PCDHA7: variants seen among roughly 807,000 people sequenced by gnomAD.
PCDHA7 encodes the protein protocadherin alpha-7.
PCDHA7 carries 37 observed loss-of-function variants against 57.2 expected under a neutral mutation model. That is an observed-to-expected ratio of 0.65 (90% CI 0.50 to 0.85). The LOEUF is 0.85. Ranked by LOEUF, PCDHA7 falls within the 40% of genes least tolerant of loss-of-function variation. The pLI is 0.00. For missense variants in PCDHA7, 1,188 were observed against 1,241.8 expected (o/e 0.96, Z 0.65); for synonymous variants, 553 against 558.8 (o/e 0.99, Z 0.15).
rs1316774875 is a variant in PCDHA7 at position 140,883,076 on chromosome 5, G to T, written c.2355+46338G>T. The T allele has an allele frequency of 3.1e-6, 5 of 1,614,032 alleles. No homozygotes were observed. Among genetic ancestry groups the T allele is most frequent in the Middle Eastern group, 1.6e-4 (1 of 6,084 alleles). On this transcript the variant is annotated intron_variant, in intron 1 of 3. Transcript: ENST00000525929. ...GATCAAGCTAAATGCCACAGATCCT[G>T]ATGATGGTACAAATGGAGATATAGT...
At chr5:140,986,213 C>T (rs1554247816) in intron 3 of PCDHA7, among the ~76,000 whole-genome samples, 2 of 152,208 alleles carry the variant, frequency 1.3e-5, no homozygotes, top group Non-Finnish European at 2.9e-5. Context: ...TTACTGGCCC[C>T]TTTCTCTAGC....
At chr5:140,887,679 C>G (rs2061539498) in intron 1 of PCDHA7, among the ~76,000 whole-genome samples, 1 of 152,058 alleles carries the variant, frequency 6.6e-6, no homozygotes, top group East Asian at 1.9e-4. Flanking sequence ...TCATTTTCAT[C>G]AAATTCAGGA....
chr5:140,928,401 C>T, intron 1 of PCDHA7: 1 of 1,614,028 alleles, frequency 6.2e-7, no homozygotes, highest in Non-Finnish European at 8.5e-7. Flanking sequence ...TGGAATCATC[C>T]AGTGGGGCCA....
chr5:140,838,280 ATT>A lies in PCDHA7; in HGVS notation c.2355+1556_2355+1557del, dbSNP rs2150286950. Among the ~76,000 whole-genome samples, 385 of 139,594 alleles carry A rather than the reference ATT, an allele frequency of 2.8e-3. 5 individuals are homozygous for A. Among genetic ancestry groups the A allele is most frequent in the Middle Eastern group, 0.014 (4 of 280 alleles). 91.6% of individuals were successfully genotyped at this position (139,594 alleles called of 152,430 possible). The stretch of plus-strand genomic sequence containing the variant: ...AGACGCCAACAACCAAGCCATGCTA[ATT>A]TTTTTTTTTTTTTGTATTTTTAGTA... On this transcript the variant is annotated intron_variant, in intron 1 of 3. Coordinates refer to ENST00000525929, the MANE Select transcript of PCDHA7 (RefSeq NM_018910.3).
At chr5:140,959,443 G>C (rs1472511414) in intron 1 of PCDHA7, among the ~76,000 whole-genome samples, 1 of 151,580 alleles carries the variant, frequency 6.6e-6, no homozygotes, top group Non-Finnish European at 1.5e-5. Context: ...TTTCTATTTT[G>C]TGCTGAAAAG....
intron 1 of PCDHA7, among the ~76,000 whole-genome samples, chr5:140,940,102 T>C (rs1372400488): frequency 2.0e-5 from 3 of 152,228 alleles, no homozygotes; most frequent in African/African-American, 7.2e-5. Context: ...ACTTTTAGCG[T>C]TATGTATTAT....
chr5:140,986,106 G>A (rs2097187379), intron 3 of PCDHA7, among the ~76,000 whole-genome samples: 2 of 152,116 alleles, frequency 1.3e-5, no homozygotes, highest in Non-Finnish European at 2.9e-5. Context: ...AAAAGCCTAA[G>A]ATAAAGATGC....
In PCDHA7 at chr5:140,836,007, G is replaced by A. The variant is rs2150250458; in HGVS notation, c.1624G>A (p.Val542Met). 5 of 1,613,296 alleles carry A rather than the reference G, an allele frequency of 3.1e-6. No individual in the cohort carries two copies. The highest frequency in any genetic ancestry group is 1.1e-5 in the South Asian group (1 of 91,072). The change falls in exon 1 of 4, where the codon GTG (valine) becomes ATG (methionine). Residue 542 changes from valine to methionine, a missense_variant. By Grantham distance (21) the Val-to-Met change is conservative (BLOSUM62 1). Around this residue, in one of 3 missense-constraint regions of PCDHA7, gnomAD observed 892 missense variants for 788.5 expected, o/e 1.13. Transcript: ENST00000525929. ...QFQVSARDAGVPPLGSNVTLQ... is the reference protein window; with the variant it reads ...QFQVSARDAGMPPLGSNVTLQ... ...CCAGGTGAGCGCGCGCGATGCGGGC[G>A]TGCCGCCTCTGGGCAGCAACGTGAC...
At chr5:140,919,488 T>C (rs149191060) in intron 1 of PCDHA7, among the ~76,000 whole-genome samples, 58 of 152,320 alleles carry the variant, frequency 3.8e-4, no homozygotes, top group African/African-American at 1.3e-3. Context: ...TTTATGTTTG[T>C]TATTTTACTC....
intron 1 of PCDHA7, chr5:140,927,567 C>A: frequency 6.2e-7 from 1 of 1,614,180 alleles, no homozygotes; most frequent in Non-Finnish European, 8.5e-7. Context: ...TTGTGGTGGA[C>A]ACAAATGACA....
At chr5:140,875,251 A>T in intron 1 of PCDHA7, 1 of 1,029,376 alleles carries the variant, frequency 9.7e-7, no homozygotes. Context: ...ATAATCAGTC[A>T]CATGATGTCG....
chr5:140,850,369 G>T, intron 1 of PCDHA7: 1 of 1,597,922 alleles, frequency 6.3e-7, no homozygotes, highest in Non-Finnish European at 8.6e-7. Context: ...TTCCGCGTGG[G>T]GCTGTACACG....
rs1554150153 is a variant in PCDHA7 at position 140,857,511 on chromosome 5, T to C, written c.2355+20773T>C. 5 of 1,598,148 alleles carry C rather than the reference T, an allele frequency of 3.1e-6. No homozygotes were observed. In the South Asian group the frequency reaches 5.5e-5, roughly 18 times the overall value. On this transcript the variant is annotated intron_variant, in intron 1 of 3. Transcript: ENST00000525929. ...GACGCGGACGCGCAGGAGAACGCCC[T>C]GGTGTCCTACTCTCTGGTGGAGCGG...
At chr5:140,913,203 G>A (rs2076251339) in intron 1 of PCDHA7, among the ~76,000 whole-genome samples, 1 of 152,182 alleles carries the variant, frequency 6.6e-6, no homozygotes, top group African/African-American at 2.4e-5. Flanking sequence ...TGGCAGTGAA[G>A]CCAATGGGTC....
chr5:140,983,005 AAAGG>A (rs1223217874), intron 3 of PCDHA7, among the ~76,000 whole-genome samples: 2 of 152,110 alleles, frequency 1.3e-5, no homozygotes, highest in African/African-American at 2.4e-5. Flanking sequence ...AAAGAAAGAA[AAAGG>A]AAGGAAGGAA....
At chr5:140,855,628 C>T (rs1199061647) in intron 1 of PCDHA7, among the ~76,000 whole-genome samples, 1 of 149,588 alleles carries the variant, frequency 6.7e-6, no homozygotes, top group Non-Finnish European at 1.5e-5. Flanking sequence ...TTTTGAAATT[C>T]GGCTATTGAT....
At chr5:141,004,168 C>T (rs2098156227) in intron 3 of PCDHA7, among the ~76,000 whole-genome samples, 1 of 152,226 alleles carries the variant, frequency 6.6e-6, no homozygotes, top group Admixed American at 6.5e-5. Context: ...GCAAAGCCAG[C>T]CAAGTGTCTT....
At chr5:140,861,541 A>C (rs2046969106) in intron 1 of PCDHA7, 1 of 426,724 alleles carries the variant, frequency 2.3e-6, no homozygotes, top group Admixed American at 2.3e-5. Context: ...TGCAGCATCC[A>C]CCTGGAAGTG....
At chr5:140,912,125 T>C (rs1197015933) in intron 1 of PCDHA7, among the ~76,000 whole-genome samples, 1 of 152,160 alleles carries the variant, frequency 6.6e-6, no homozygotes, top group East Asian at 1.9e-4. Flanking sequence ...GCTAAGTCAG[T>C]CTAATCTCTC....
Sources: allele counts gnomAD v4.1 joint callset (sites outside exome capture counted in the v4.1 genomes callset), GRCh38; gene constraint gnomAD v4.1.1; regional missense constraint gnomAD v4.1.1; transcripts MANE v1.5; gene names NCBI Gene and HGNC (gene_info 2026-07-23, HGNC 2026-07-21).